RAB3GAP2: variants seen among roughly 807,000 people sequenced by gnomAD.
The protein encoded by RAB3GAP2 is rab3 GTPase-activating protein non-catalytic subunit.
A neutral mutation model predicts 185.3 loss-of-function variants in RAB3GAP2; 87 were observed. The ratio of observed to expected loss-of-function variants is 0.47; its 90% confidence interval spans 0.39 to 0.56. The LOEUF (loss-of-function observed/expected upper bound fraction) is 0.56, where lower values mean the gene tolerates loss of function less well. Ranked by LOEUF, RAB3GAP2 falls within the 20% of genes least tolerant of loss-of-function variation. The pLI, the probability that RAB3GAP2 is intolerant of heterozygous loss-of-function variation, is 0.00. For synonymous variants in RAB3GAP2, 554 were observed against 576.1 expected (o/e 0.96, Z 0.55); for missense variants, 1,492 against 1,638.2 (o/e 0.91, Z 1.54).
chr1:220,148,444 T>C lies in RAB3GAP2; in HGVS notation c.*2807A>G, dbSNP rs1407930308. ...CAGTTCAGTATTGGATTAAAATCTT[T>C]TAAGGATGGCTAATTCTATTCAGCA... is the stretch of plus-strand genomic sequence containing the variant. On this transcript the variant is annotated 3_prime_UTR_variant, in exon 35 of 35. Coordinates refer to ENST00000358951, the MANE Select transcript of RAB3GAP2 (RefSeq NM_012414.4). 1.3e-5 allele frequency: 2 copies of C among 152,202 alleles called. No homozygotes were observed. Among genetic ancestry groups the C allele is most frequent in the Non-Finnish European group, 2.9e-5 (2 of 68,020 alleles). The allele number at this position is 152,202 out of a possible 1,614,324, so 9.4% of individuals were successfully genotyped here.
intron 1 of RAB3GAP2, 55 bp downstream of exon 1, chr1:220,272,168 G>A: frequency 2.7e-6 from 4 of 1,455,408 alleles, no homozygotes; most frequent in South Asian, 1.2e-5. Context: ...TCGAACCCGT[G>A]AGCAGAGGCC....
intron 2 of RAB3GAP2, among the ~76,000 whole-genome samples, chr1:220,219,261 T>A (rs1659256625): frequency 6.6e-6 from 1 of 151,908 alleles, no homozygotes; most frequent in African/African-American, 2.4e-5. Flanking sequence ...CATGTCATAA[T>A]CCTCTTGAAG....
Position 220,202,289 on chromosome 1 carries a change from A to C in RAB3GAP2, c.798T>G (p.Asp266Glu), listed in dbSNP as rs757728362. 2 of 1,613,658 alleles carry C rather than the reference A, an allele frequency of 1.2e-6. No individual in the cohort carries two copies. The highest frequency in any genetic ancestry group is 4.5e-5 in the East Asian group (2 of 44,822). Residue 266 changes from aspartate (D) to glutamate (E), a missense_variant, in exon 9 of 35, where the codon GAT becomes GAG. This residue lies in a region of RAB3GAP2 where 243 missense variants were observed against 314.8 expected (regional missense o/e 0.77). Transcript: ENST00000358951. Reference protein sequence around the residue: ...WGLQDIDTIIDHASVGIMTLS... With the variant: ...WGLQDIDTIIEHASVGIMTLS... ...AGTAATACTTACCAACACTAGCATG[A>C]TCAATAATAGTGTCAATATCTTGTA...
chr1:220,189,884 C>A, intron 16 of RAB3GAP2, 117 bp from the exon 17 acceptor site: 1 of 1,101,652 alleles, frequency 9.1e-7, no homozygotes, highest in Middle Eastern at 3.0e-4. Context: ...TTTGGGTTCT[C>A]TCACATTAAT....
intron 32 of RAB3GAP2, 66 bp downstream of exon 32, chr1:220,153,902 G>C: frequency 6.2e-7 from 1 of 1,600,808 alleles, no homozygotes; most frequent in Admixed American, 1.7e-5. Flanking sequence ...TCAAAAGCCA[G>C]CTAGATTTTT....
At chr1:220,215,300 C>A (rs1265979354) in intron 2 of RAB3GAP2, among the ~76,000 whole-genome samples, 2 of 152,084 alleles carry the variant, frequency 1.3e-5, no homozygotes, top group Non-Finnish European at 2.9e-5. Flanking sequence ...CTGTGCCCCA[C>A]ACATGTTGTA....
At position 220,148,648 on chromosome 1, in the gene RAB3GAP2, A is replaced by ACTT. The variant is rs2102846607; in HGVS notation, c.*2600_*2602dup. 6.6e-6 allele frequency: 1 copy of ACTT among 152,254 alleles called. No individual in the cohort carries two copies. Among genetic ancestry groups the ACTT allele is most frequent in the Non-Finnish European group, 1.5e-5 (1 of 67,980 alleles). 9.4% of individuals were successfully genotyped at this position (152,254 alleles called of 1,614,324 possible). ...CATATTATTAAATTTCAGATTTTTG[A>ACTT]CTTTTTAGATCGCAATTGTTTTTAA... On this transcript the variant is annotated 3_prime_UTR_variant, in exon 35 of 35. Coordinates refer to ENST00000358951, the MANE Select transcript of RAB3GAP2 (RefSeq NM_012414.4).
intron 30 of RAB3GAP2, 119 bp downstream of exon 30, chr1:220,157,683 A>C: frequency 9.0e-7 from 1 of 1,116,500 alleles, no homozygotes; most frequent in Non-Finnish European, 1.3e-6. Flanking sequence ...TCAAGTCAAA[A>C]TTTAGAAATG....
At chr1:220,224,167 T>C (rs1485842304) in intron 2 of RAB3GAP2, among the ~76,000 whole-genome samples, 1 of 152,146 alleles carries the variant, frequency 6.6e-6, no homozygotes, top group African/African-American at 2.4e-5. Flanking sequence ...TTTGGTATTG[T>C]TATCAATATC....
intron 8 of RAB3GAP2, among the ~76,000 whole-genome samples, chr1:220,204,998 G>A (rs1400302710): frequency 6.6e-6 from 1 of 151,780 alleles, no homozygotes; most frequent in Admixed American, 6.6e-5. Flanking sequence ...GTCTATTGTT[G>A]TTGGACATTT....
At chr1:220,180,987 C>T (rs548003528) in intron 21 of RAB3GAP2, among the ~76,000 whole-genome samples, 6 of 152,080 alleles carry the variant, frequency 3.9e-5, no homozygotes, top group Non-Finnish European at 8.8e-5. Flanking sequence ...CATGTACAGG[C>T]TTTTTTCTTG....
At chr1:220,205,095 A>G (rs1213070828) in intron 8 of RAB3GAP2, among the ~76,000 whole-genome samples, 2 of 152,126 alleles carry the variant, frequency 1.3e-5, no homozygotes, top group Non-Finnish European at 2.9e-5. Flanking sequence ...AGATCTGAAA[A>G]TTGATGGTGT....
rs2102881455 is a variant in RAB3GAP2, at chr1:220,212,942, T to C, written c.331A>G (p.Lys111Glu). ...VPKWKYSDKG[K>E]EEMQFAVGWS... ...CCAACAGCAAATTGCATTTCTTCCT[T>C]TCCTTTATCACTATATTTCCATTTT... Residue 111 changes from lysine (K) to glutamate (E), a missense_variant, in exon 4 of 35, where the codon AAG becomes GAG. Transcript: ENST00000358951. The C allele has an allele frequency of 6.2e-7, 1 of 1,613,020 alleles. No individual in the cohort carries two copies. The highest frequency in any genetic ancestry group is 2.2e-5 in the East Asian group (1 of 44,832).
chr1:220,151,091 GGGTTGCACTTTTTAAA>G lies in RAB3GAP2; in HGVS notation c.*144_*159del. On this transcript the variant is annotated 3_prime_UTR_variant, in exon 35 of 35. Coordinates refer to ENST00000358951, the MANE Select transcript of RAB3GAP2 (RefSeq NM_012414.4). ...TAACCAAAGGAGTGGAATTTAGCCAGGGTTGCACTTTTTAAAAGTTGTATATACTTTTATTTATTTT... is the reference window on the plus strand; with the variant it reads ...TAACCAAAGGAGTGGAATTTAGCCAGAGTTGTATATACTTTTATTTATTTT... The G allele has an allele frequency of 2.9e-6, 2 of 681,764 alleles. No individual in the cohort carries two copies. Among genetic ancestry groups the G allele is most frequent in the Non-Finnish European group, 2.4e-6 (1 of 413,810 alleles). The allele number at this position is 681,764 out of a possible 1,614,324, so 42.2% of individuals were successfully genotyped here.
intron 20 of RAB3GAP2, 30 bp from the exon 21 acceptor site, chr1:220,182,384 C>A (rs1379473149): frequency 6.2e-7 from 1 of 1,613,242 alleles, no homozygotes; most frequent in Non-Finnish European, 8.5e-7. Flanking sequence ...GCACATTAAT[C>A]AATGACTACT....
rs774688464 is a variant in RAB3GAP2, at chr1:220,151,267, G to T, written c.4166C>A (p.Ser1389Tyr). 6.2e-7 allele frequency: 1 copy of T among 1,613,928 alleles called. No individual in the cohort carries two copies. The highest frequency in any genetic ancestry group is 1.7e-5 in the Admixed American group (1 of 60,004). The stretch of plus-strand genomic sequence containing the variant: ...AGGTAAGTGTCATAAAGAAGGAAGA[G>T]ATATGGCTTCCACAGCTTCAATGAG... ...LHLIEAVEAISLPSL is the reference protein window; with the variant it reads ...LHLIEAVEAIYLPSL The change falls in exon 35 of 35, where the codon TCT (serine) becomes TAT (tyrosine). Residue 1389 changes from serine to tyrosine, a missense_variant. Transcript: ENST00000358951.
Position 220,171,892 on chromosome 1 carries a change from T to C in RAB3GAP2, c.2574A>G (p.Lys858=). The stretch of plus-strand genomic sequence containing the variant: ...AGCCATACCTTTACCCACTTACTTT[T>C]TTCTCTGTCATGTTGTTTGATATCT... The part of the protein sequence containing the change: ...AAQISNNMTE[K]KFSQTVLGAD... Residue 858 remains lysine (K), a synonymous_variant, in exon 23 of 35, where the codon AAA becomes AAG. Transcript: ENST00000358951. 6.2e-7 allele frequency: 1 copy of C among 1,614,176 alleles called. No homozygotes were observed. The highest frequency in any genetic ancestry group is 8.5e-7 in the Non-Finnish European group (1 of 1,180,028).
chr1:220,154,743 C>G (rs1456012465), intron 31 of RAB3GAP2, among the ~76,000 whole-genome samples: 1 of 127,448 alleles, frequency 7.8e-6, no homozygotes, highest in Non-Finnish European at 1.6e-5. Flanking sequence ...TTTTTTGAGA[C>G]AGAGTCTCAC....
chr1:220,212,750 C>T, intron 4 of RAB3GAP2, 137 bp downstream of exon 4: 1 of 760,912 alleles, frequency 1.3e-6, no homozygotes, highest in South Asian at 1.5e-5. Flanking sequence ...GCCTTGGCTT[C>T]CCAAAGTGCT....
Sources: gnomAD v4.1 joint callset for allele counts (sites outside exome capture counted in the v4.1 genomes callset) on GRCh38, gnomAD v4.1.1 for gene constraint, gnomAD v4.1.1 regional missense constraint, MANE v1.5 for transcripts, NCBI Gene and HGNC (gene_info 2026-07-23, HGNC 2026-07-21) for gene names.